NCKAP1L: variants seen among roughly 807,000 people sequenced by gnomAD.
NCKAP1L encodes NCK associated protein 1 like.
In NCKAP1L, 53 loss-of-function variants were observed where a neutral mutation model predicts 139.2. The ratio of observed to expected loss-of-function variants is 0.38; its 90% confidence interval spans 0.31 to 0.48. The LOEUF is 0.48. NCKAP1L is among the 20% of genes least tolerant of loss of function. The pLI, the probability that NCKAP1L is intolerant of heterozygous loss-of-function variation, is 0.98. For synonymous variants in NCKAP1L, 468 were observed against 499.7 expected (o/e 0.94, Z 0.85); for missense variants, 1,151 against 1,381.9 (o/e 0.83, Z 2.65).
intron 27 of NCKAP1L, 135 bp from the exon 28 acceptor site, chr12:54,535,994 C>A: frequency 1.5e-6 from 1 of 656,794 alleles, no homozygotes; most frequent in South Asian, 1.7e-5. Context: ...TGCCCATAGG[C>A]TTTATAAAGT....
intron 30 of NCKAP1L, among the ~76,000 whole-genome samples, chr12:54,540,600 C>A (rs917968902): frequency 6.6e-6 from 1 of 152,170 alleles, no homozygotes; most frequent in Non-Finnish European, 1.5e-5. Context: ...AGGTATTATG[C>A]GTGAAAGTGC....
intron 26 of NCKAP1L, 143 bp from the exon 27 acceptor site, chr12:54,534,961 A>C: frequency 1.9e-6 from 1 of 521,060 alleles, no homozygotes; most frequent in Non-Finnish European, 3.3e-6. Context: ...AAATAGCGAG[A>C]CTCTCTCTTT....
intron 20 of NCKAP1L, 42 bp downstream of exon 20, chr12:54,523,998 ATACCC>A: frequency 6.3e-7 from 1 of 1,590,488 alleles, no homozygotes; most frequent in Non-Finnish European, 8.6e-7. Context: ...AGTAGTCTTC[ATACCC>A]TACCATATAC....
chr12:54,531,447 T>C, intron 23 of NCKAP1L, 44 bp from the exon 24 acceptor site: 1 of 1,609,550 alleles, frequency 6.2e-7, no homozygotes, highest in Non-Finnish European at 8.5e-7. Context: ...GTAACATTGG[T>C]CTCTTCTTTT....
chr12:54,512,206 CG>C (rs774362054), intron 9 of NCKAP1L, 101 bp downstream of exon 9: 4 of 1,258,796 alleles, frequency 3.2e-6, no homozygotes, highest in Non-Finnish European at 4.4e-6. Flanking sequence ...TAGGTGGTAA[CG>C]ATTAATTCTA....
intron 7 of NCKAP1L, chr12:54,510,466 G>A (rs1946501681): frequency 3.8e-6 from 1 of 265,660 alleles, no homozygotes; most frequent in Admixed American, 5.0e-5. Flanking sequence ...TGGGACTACA[G>A]GTGTGTGTGC....
chr12:54,526,802 T>G, intron 21 of NCKAP1L, 56 bp downstream of exon 21: 1 of 1,485,200 alleles, frequency 6.7e-7, no homozygotes, highest in South Asian at 1.2e-5. Context: ...CTTTTTCCTT[T>G]ACACGGTAGG....
In NCKAP1L at chr12:54,509,991, T is replaced by C; in HGVS notation, c.735+6T>C. ...ACCCTGCTAATTCAGATACAGTGAG[T>C]GCCCTTTTCCTTTTGTTAGTGGAAG... On this transcript the variant is annotated splice_donor_region_variant and intron_variant, in intron 7 of 30. Transcript: ENST00000293373. 1 of 1,614,014 alleles carries C rather than the reference T, an allele frequency of 6.2e-7. No individual in the cohort carries two copies. Among genetic ancestry groups the C allele is most frequent in the Non-Finnish European group, 8.5e-7 (1 of 1,179,950 alleles).
At chr12:54,521,777 A>G (rs183076027) in intron 18 of NCKAP1L, among the ~76,000 whole-genome samples, 1 of 152,140 alleles carries the variant, frequency 6.6e-6, no homozygotes, top group Non-Finnish European at 1.5e-5. Context: ...AATTTCAGAA[A>G]ATTTGAAAAT....
intron 30 of NCKAP1L, 122 bp from the exon 31 acceptor site, chr12:54,542,453 G>C (rs945660258): frequency 1.4e-6 from 1 of 734,854 alleles, no homozygotes; most frequent in Non-Finnish European, 2.4e-6. Flanking sequence ...GGTGTGATTT[G>C]GAACCCTGTT....
intron 27 of NCKAP1L, 33 bp downstream of exon 27, chr12:54,535,230 A>G (rs1957105470): frequency 6.5e-7 from 1 of 1,546,962 alleles, no homozygotes. Context: ...AGATTTGGGA[A>G]AGGAGGGCTT....
intron 3 of NCKAP1L, among the ~76,000 whole-genome samples, chr12:54,507,377 C>G (rs986701712): frequency 6.6e-6 from 1 of 152,124 alleles, no homozygotes; most frequent in African/African-American, 2.4e-5. Flanking sequence ...GTACCTCACA[C>G]ATAGTGAATT....
At position 54,511,990 on chromosome 12, in the gene NCKAP1L, C is replaced by T; in HGVS notation, c.826C>T (p.Gln276Ter). 6.2e-7 allele frequency: 1 copy of T among 1,614,206 alleles called. No individual in the cohort carries two copies. Among genetic ancestry groups the T allele is most frequent in the Non-Finnish European group, 8.5e-7 (1 of 1,180,048 alleles). Residue 276 changes from glutamine to a stop codon, truncating the protein, a stop_gained, in exon 9 of 31, where the codon CAG (glutamine) becomes TAG (stop). Coordinates refer to ENST00000293373, the MANE Select transcript of NCKAP1L (RefSeq NM_005337.5). LOFTEE classifies it high-confidence loss of function. The part of the protein sequence containing the change: ...LCHGCLNSNS[Q>*]CQKLWKLCLQ... ...TCATGGGTGCCTCAACTCCAATAGC[C>T]AGTGCCAGAAGCTGTGGAAGCTGTG...
intron 21 of NCKAP1L, among the ~76,000 whole-genome samples, chr12:54,527,805 A>G (rs1030292520): frequency 6.6e-6 from 1 of 152,174 alleles, no homozygotes; most frequent in African/African-American, 2.4e-5. Context: ...TCAGGAGGAA[A>G]TATTTGGAGA....
chr12:54,523,310 A>G, intron 18 of NCKAP1L, 84 bp from the exon 19 acceptor site: 4 of 1,475,282 alleles, frequency 2.7e-6, no homozygotes, highest in Non-Finnish European at 2.8e-6. Flanking sequence ...ACAGACAACA[A>G]TGGACAACAA....
chr12:54,497,878 A>G lies in NCKAP1L; in HGVS notation c.89A>G (p.Tyr30Cys). 1 of 1,601,278 alleles carries G rather than the reference A, an allele frequency of 6.2e-7. No individual in the cohort carries two copies. Among genetic ancestry groups the G allele is most frequent in the Non-Finnish European group, 8.6e-7 (1 of 1,168,230 alleles). The change falls in exon 1 of 31, where the codon TAT (tyrosine) becomes TGT (cysteine). Residue 30 changes from tyrosine to cysteine, a missense_variant. By Grantham distance (194) the Tyr-to-Cys change is radical (BLOSUM62 -2). Transcript: ENST00000293373. ...DRGQGVLIRMYNIKKTCSDPK... is the reference protein window; with the variant it reads ...DRGQGVLIRMCNIKKTCSDPK... ...GGTCAGGGGGTTCTCATCCGTATGT[A>G]TAACATCAAGAAGGTAAGCATGAAC...
At chr12:54,532,140 G>T in intron 25 of NCKAP1L, 30 bp from the exon 26 acceptor site, 1 of 1,501,714 alleles carries the variant, frequency 6.7e-7, no homozygotes, top group Non-Finnish European at 9.2e-7. Context: ...TCATGGTCTT[G>T]TGGACTCATT....
Position 54,519,301 on chromosome 12 carries a change from C to A in NCKAP1L, c.1594C>A (p.Leu532Met). The A allele has an allele frequency of 1.3e-6, 2 of 1,583,882 alleles. No homozygotes were observed. Among genetic ancestry groups the A allele is most frequent in the East Asian group, 2.2e-5 (1 of 44,582 alleles). Residue 532 changes from leucine (L) to methionine (M), a missense_variant, in exon 16 of 31, where the codon CTG becomes ATG. By Grantham distance (15) the Leu-to-Met change is conservative (BLOSUM62 2). Transcript: ENST00000293373. ...SRMLDSVEKL[L>M]VETSDLSTFC... ...AATGCTGGACTCCGTAGAAAAATTG[C>A]TGGTGGAAACTTCTGATCTGTCTAC...
Position 54,542,945 on chromosome 12 carries a change from G to A in NCKAP1L, c.*260G>A. On this transcript the variant is annotated 3_prime_UTR_variant, in exon 31 of 31. Transcript: ENST00000293373. ...GGGCCACATGTGTGAATTTTACAAT[G>A]AAAAAAGGAGTAACGTACAAGTATA... The A allele has an allele frequency of 2.5e-6, 1 of 395,862 alleles. No homozygotes were observed. Among genetic ancestry groups the A allele is most frequent in the South Asian group, 5.1e-5 (1 of 19,714 alleles). 24.5% of individuals were successfully genotyped at this position (395,862 alleles called of 1,614,324 possible).
Sources: gnomAD v4.1 joint callset for allele counts (sites outside exome capture counted in the v4.1 genomes callset) on GRCh38, gnomAD v4.1.1 for gene constraint, MANE v1.5 for transcripts, NCBI Gene and HGNC (gene_info 2026-07-23, HGNC 2026-07-21) for gene names.